Variants in PPP1R42 observed in about 807,000 individuals in gnomAD.
The protein encoded by PPP1R42 is protein phosphatase 1 regulatory subunit 42.
In PPP1R42, 34 loss-of-function variants were observed where a neutral mutation model predicts 31.0. That is an observed-to-expected ratio of 1.10 (90% CI 0.83 to 1.46). PPP1R42 has a LOEUF of 1.46. Among genes scored for constraint, PPP1R42 ranks in the 40% most tolerant of loss-of-function variants. The pLI is 0.00. For synonymous variants in PPP1R42, 103 were observed against 109.8 expected (o/e 0.94, Z 0.39); for missense variants, 268 against 303.0 (o/e 0.88, Z 0.86).
chr8:67,019,683 G>A (rs930909748), intron 1 of PPP1R42, among the ~76,000 whole-genome samples: 3 of 151,644 alleles, frequency 2.0e-5, no homozygotes, highest in African/African-American at 4.8e-5. Context: ...ACAAGGTCAG[G>A]AGATCGAGAC....
chr8:67,004,618 C>A (rs997564428), intron 5 of PPP1R42, among the ~76,000 whole-genome samples: 1 of 151,990 alleles, frequency 6.6e-6, no homozygotes, highest in Non-Finnish European at 1.5e-5. Flanking sequence ...AAAATAGAAT[C>A]TTGCTTTTAT....
chr8:67,014,547 C>G lies in PPP1R42; in HGVS notation c.175G>C (p.Asp59His). The G allele has an allele frequency of 6.5e-7, 1 of 1,548,658 alleles. No individual in the cohort carries two copies. Among genetic ancestry groups the G allele is most frequent in the Non-Finnish European group, 8.8e-7 (1 of 1,134,370 alleles). The change falls in exon 3 of 8, where the codon GAT becomes CAT. Residue 59 changes from aspartate to histidine, a missense_variant. Transcript: ENST00000685739. ...TTAGTGATTTGACTAATACAATTAT[C>G]ATATAAATATAAAACACTAAGATTT... ...CKNLSVLYLY[D>H]NCISQITNLN...
intron 7 of PPP1R42, among the ~76,000 whole-genome samples, chr8:66,981,138 C>T (rs1482207114): frequency 1.3e-5 from 2 of 151,424 alleles, no homozygotes; most frequent in African/African-American, 2.4e-5. Flanking sequence ...CACCGTGCCC[C>T]GCCAGACTAG....
At chr8:67,011,067 C>T (rs1274770661) in intron 4 of PPP1R42, among the ~76,000 whole-genome samples, 1 of 151,572 alleles carries the variant, frequency 6.6e-6, no homozygotes, top group Non-Finnish European at 1.5e-5. Context: ...CTCCATAAGT[C>T]ATATTTTTCT....
chr8:67,015,505 AG>A (rs1230397903), intron 2 of PPP1R42, among the ~76,000 whole-genome samples: 1 of 152,166 alleles, frequency 6.6e-6, no homozygotes, highest in African/African-American at 2.4e-5. Context: ...AAAGACTGAA[AG>A]GATATTACCT....
intron 6 of PPP1R42, chr8:66,985,367 G>T: frequency 1.3e-6 from 1 of 754,358 alleles, no homozygotes; most frequent in Non-Finnish European, 2.3e-6. Flanking sequence ...TCCGAAGAGG[G>T]AACAGCACGA....
At chr8:67,021,201 G>A (rs1274978409) in intron 1 of PPP1R42, 2 of 152,064 alleles carry the variant, frequency 1.3e-5, no homozygotes, top group Non-Finnish European at 2.9e-5. Flanking sequence ...TGCTTAGAAG[G>A]AAAAATGAAT....
chr8:67,006,739 CTTTTTTTTTTTT>C (rs1183630078), intron 5 of PPP1R42, among the ~76,000 whole-genome samples: 6 of 70,536 alleles, frequency 8.5e-5, no homozygotes, highest in African/African-American at 3.1e-4. Context: ...AGGGTAGAGG[CTTTTTTTTTTTT>C]TTTTTTTTTT....
At chr8:66,987,703 T>C (rs1430471504) in intron 6 of PPP1R42, among the ~76,000 whole-genome samples, 1 of 152,196 alleles carries the variant, frequency 6.6e-6, no homozygotes, top group Non-Finnish European at 1.5e-5. Context: ...AATAAGTTTC[T>C]CTCAATACAA....
At chr8:66,981,742 TATC>T (rs1215191827) in intron 7 of PPP1R42, among the ~76,000 whole-genome samples, 2 of 152,190 alleles carry the variant, frequency 1.3e-5, no homozygotes, top group Non-Finnish European at 2.9e-5. Flanking sequence ...ACATAGCTGA[TATC>T]ATGCACTTTT....
chr8:67,027,279 C>T (rs547320698), intron 1 of PPP1R42, among the ~76,000 whole-genome samples: 1 of 152,276 alleles, frequency 6.6e-6, no homozygotes, highest in Non-Finnish European at 1.5e-5. Context: ...TTAATACTTT[C>T]ACTTTAGAAA....
At chr8:67,016,078 C>G (rs1037995878) in intron 2 of PPP1R42, among the ~76,000 whole-genome samples, 1 of 152,020 alleles carries the variant, frequency 6.6e-6, no homozygotes, top group Non-Finnish European at 1.5e-5. Context: ...GTAGAGAGTT[C>G]TGGGCAACAA....
intron 1 of PPP1R42, among the ~76,000 whole-genome samples, chr8:67,027,249 T>C (rs1434063999): frequency 6.6e-6 from 1 of 152,212 alleles, no homozygotes; most frequent in Non-Finnish European, 1.5e-5. Context: ...CAGAGCAGCA[T>C]ATTTTGAAAT....
chr8:66,984,074 T>G, intron 6 of PPP1R42: 2 of 1,485,742 alleles, frequency 1.3e-6, no homozygotes, highest in Non-Finnish European at 1.9e-6. Context: ...GGAAACAGAA[T>G]AAGTGAGAGG....
intron 7 of PPP1R42, among the ~76,000 whole-genome samples, chr8:66,981,189 A>G (rs1396765017): frequency 6.6e-6 from 1 of 151,964 alleles, no homozygotes; most frequent in African/African-American, 2.4e-5. Flanking sequence ...ACTGTTACAC[A>G]TTACTCTTAG....
intron 1 of PPP1R42, among the ~76,000 whole-genome samples, chr8:67,019,647 C>T (rs1005611178): frequency 6.6e-6 from 1 of 151,922 alleles, no homozygotes; most frequent in Non-Finnish European, 1.5e-5. Context: ...GTCCCCAGCA[C>T]TTTGGGAAGC....
chr8:66,967,742 C>T (rs1214054830), intron 7 of PPP1R42, among the ~76,000 whole-genome samples: 1 of 152,014 alleles, frequency 6.6e-6, no homozygotes, highest in Non-Finnish European at 1.5e-5. Context: ...ATTTGTATTC[C>T]TTAAAGGTAT....
chr8:67,012,326 C>T (rs1007687178), intron 4 of PPP1R42, among the ~76,000 whole-genome samples: 1 of 152,152 alleles, frequency 6.6e-6, no homozygotes, highest in Non-Finnish European at 1.5e-5. Context: ...TTAAAGTTAG[C>T]CTGTCCCAAC....
At chr8:66,968,483 T>G in intron 7 of PPP1R42, 1 of 985,014 alleles carries the variant, frequency 1.0e-6, no homozygotes, top group Non-Finnish European at 1.2e-6. Flanking sequence ...AAATATAGAG[T>G]GTAGGGACAC....
Sources: allele counts gnomAD v4.1 joint callset (sites outside exome capture counted in the v4.1 genomes callset), GRCh38; gene constraint gnomAD v4.1.1; transcripts MANE v1.5; gene names NCBI Gene and HGNC (gene_info 2026-07-23, HGNC 2026-07-21).